The following TOM1 variants were observed in gnomAD, a reference collection of about 807,000 sequenced individuals.
TOM1 encodes target of myb1 membrane trafficking protein, also known as target of Myb protein 1.
A neutral mutation model predicts 61.3 loss-of-function variants in TOM1; 38 were observed. The observed-to-expected ratio is 0.62, with a 90% CI of 0.48 to 0.81. The LOEUF (loss-of-function observed/expected upper bound fraction) is 0.81. Among genes scored for constraint, TOM1 ranks in the 40% least tolerant of loss-of-function variants. The pLI is 0.00. For synonymous variants in TOM1, 270 were observed against 268.8 expected (o/e 1.00, Z -0.04); for missense variants, 591 against 659.6 (o/e 0.90, Z 1.14).
At chr22:35,331,852 C>T (rs1243189937) in intron 8 of TOM1, among the ~76,000 whole-genome samples, 4 of 151,764 alleles carry the variant, frequency 2.6e-5, no homozygotes, top group Non-Finnish European at 5.9e-5. Context: ...CGCACCACTG[C>T]ACTCCAGCCT....
chr22:35,318,310 C>A, intron 2 of TOM1: 1 of 359,036 alleles, frequency 2.8e-6, no homozygotes, highest in Non-Finnish European at 5.2e-6. Flanking sequence ...CATCTGCATT[C>A]TGCAGGCGGG....
Position 35,303,504 on chromosome 22 carries a change from C to CT in TOM1, c.52+3542dup, listed in dbSNP as rs528560916. On this transcript the variant is annotated intron_variant, in intron 1 of 14. Transcript: ENST00000449058. ...ATCACCATCATCATTTTTATTATTT[C>CT]TTTTTTTTTTTTTTTTTTGAGACAG... Among the ~76,000 whole-genome samples the CT allele has an allele frequency of 3.6e-3, 471 of 131,584 alleles. 2 individuals carry two copies. The highest frequency in any genetic ancestry group is 6.8e-3 in the South Asian group (28 of 4,112). The allele number at this position is 131,584 out of a possible 152,430, so 86.3% of individuals were successfully genotyped here. A position where few individuals can be genotyped will look rare whatever the true frequency, so the allele number is the denominator to read the frequency against.
chr22:35,346,829 G>C (rs534230644), intron 13 of TOM1, 101 bp from the exon 14 acceptor site: 4 of 1,137,682 alleles, frequency 3.5e-6, no homozygotes, highest in Non-Finnish European at 5.2e-6. Context: ...CTGGGACCCA[G>C]TGCTGAGGTT....
chr22:35,326,157 A>G (rs371740258), intron 6 of TOM1, among the ~76,000 whole-genome samples: 67 of 152,358 alleles, frequency 4.4e-4, no homozygotes, highest in African/African-American at 1.5e-3. Flanking sequence ...TAGTCTATAA[A>G]TGGTAGCTGC....
intron 11 of TOM1, among the ~76,000 whole-genome samples, chr22:35,335,401 G>A (rs935747310): frequency 6.6e-6 from 1 of 152,216 alleles, no homozygotes; most frequent in Non-Finnish European, 1.5e-5. Context: ...GGCTGCCCTG[G>A]CTGTTAGCTG....
chr22:35,310,888 C>A (rs1330095496), intron 1 of TOM1, among the ~76,000 whole-genome samples: 1 of 152,164 alleles, frequency 6.6e-6, no homozygotes, highest in Non-Finnish European at 1.5e-5. Flanking sequence ...CTCCACTAAG[C>A]AGTGCTTAGA....
chr22:35,339,260 G>A (rs1415493253), intron 12 of TOM1, among the ~76,000 whole-genome samples: 1 of 152,126 alleles, frequency 6.6e-6, no homozygotes, highest in African/African-American at 2.4e-5. Flanking sequence ...GAACCCAGAT[G>A]GTGGAAGTTG....
At chr22:35,332,607 TAC>T (rs1491057937) in intron 8 of TOM1, among the ~76,000 whole-genome samples, 1 of 31,576 alleles carries the variant, frequency 3.2e-5, no homozygotes, top group African/African-American at 1.8e-4. Context: ...CACACACACA[TAC>T]ACACACACAA....
chr22:35,338,686 C>A, intron 11 of TOM1, 27 bp from the exon 12 acceptor site: 2 of 1,524,272 alleles, frequency 1.3e-6, no homozygotes, highest in Non-Finnish European at 1.8e-6. Flanking sequence ...AGGGCAGCAT[C>A]CAATGGCTTG....
At chr22:35,327,505 T>G in intron 7 of TOM1, 118 bp downstream of exon 7, 3 of 715,654 alleles carry the variant, frequency 4.2e-6, no homozygotes, top group South Asian at 3.4e-5. Flanking sequence ...TTGGTCACAG[T>G]TGGGGACATG....
Position 35,327,381 on chromosome 22 carries a change from G to C in TOM1, c.759G>C (p.Leu253=). 1 of 1,611,956 alleles carries C rather than the reference G, an allele frequency of 6.2e-7. No individual in the cohort carries two copies. The highest frequency in any genetic ancestry group is 8.5e-7 in the Non-Finnish European group (1 of 1,179,594). ...PTQAEPADLE[L]LQELNRTCRA... ...AGGCCGAGCCCGCAGACCTGGAGCT[G>C]CTGCAGGTGAGCAGGTGGCACCACC... Residue 253 remains leucine, a synonymous_variant, in exon 7 of 15, where the codon CTG becomes CTC. Coordinates refer to ENST00000449058, the MANE Select transcript of TOM1 (RefSeq NM_005488.3).
At chr22:35,315,663 C>G (rs1359358275) in intron 1 of TOM1, among the ~76,000 whole-genome samples, 2 of 152,190 alleles carry the variant, frequency 1.3e-5, no homozygotes, top group African/African-American at 2.4e-5. Flanking sequence ...TCCTGGGCCA[C>G]CCTGGCATCC....
chr22:35,332,150 G>T lies in TOM1; in HGVS notation c.900-831G>T, dbSNP rs116127822. On this transcript the variant is annotated intron_variant, in intron 8 of 14. Transcript: ENST00000449058. ...GATTCTAAATCAGTGGAAAGTGGGG[G>T]GTACCCTGCAGGTCACGTCTGCCTA... is the stretch of plus-strand genomic sequence containing the variant. 8.8e-3 allele frequency among the ~76,000 whole-genome samples: 1,340 copies of T among 152,214 alleles called. 17 individuals carry two copies. Among genetic ancestry groups the T allele is most frequent in the African/African-American group, 0.03 (1,252 of 41,530 alleles).
At chr22:35,339,720 C>T (rs1004534183) in intron 12 of TOM1, among the ~76,000 whole-genome samples, 16 of 151,910 alleles carry the variant, frequency 1.1e-4, no homozygotes, top group Non-Finnish European at 2.1e-4. Flanking sequence ...CCGGCTAAAA[C>T]GGTGAAACCC....
chr22:35,346,890 G>A (rs765356262), intron 13 of TOM1, 40 bp from the exon 14 acceptor site: 26 of 1,599,110 alleles, frequency 1.6e-5, no homozygotes, highest in East Asian at 1.3e-4. Flanking sequence ...CGTACTGGGG[G>A]CCCGGCTAAC....
At chr22:35,330,242 A>C in intron 7 of TOM1, 105 bp from the exon 8 acceptor site, 1 of 1,196,970 alleles carries the variant, frequency 8.4e-7, no homozygotes, top group Non-Finnish European at 1.2e-6. Context: ...AGATCGCACC[A>C]CTGCACTCCA....
intron 1 of TOM1, among the ~76,000 whole-genome samples, chr22:35,306,238 T>C (rs558826299): frequency 2.6e-5 from 4 of 152,326 alleles, no homozygotes; most frequent in Non-Finnish European, 4.4e-5. Context: ...GTTCATAGTT[T>C]GCTGACTTCT....
chr22:35,337,136 C>T (rs1929419472), intron 11 of TOM1, among the ~76,000 whole-genome samples: 1 of 152,118 alleles, frequency 6.6e-6, no homozygotes, highest in South Asian at 2.1e-4. Flanking sequence ...CGGGGTTTCA[C>T]CATGTTAGCC....
At chr22:35,313,743 A>C (rs572620811) in intron 1 of TOM1, among the ~76,000 whole-genome samples, 2 of 152,326 alleles carry the variant, frequency 1.3e-5, no homozygotes, top group South Asian at 4.1e-4. Context: ...CACCAGACCC[A>C]ATAGGGAGAG....
Sources: gnomAD v4.1 joint callset for allele counts (sites outside exome capture counted in the v4.1 genomes callset) on GRCh38, gnomAD v4.1.1 for gene constraint, MANE v1.5 for transcripts, NCBI Gene and HGNC (gene_info 2026-07-23, HGNC 2026-07-21) for gene names.